SOX5: variants seen among roughly 807,000 people sequenced by gnomAD.
The protein encoded by SOX5 is SRY-box transcription factor 5.
A neutral mutation model predicts 92.0 loss-of-function variants in SOX5; 9 were observed. The observed-to-expected ratio is 0.10, with a 90% CI of 0.06 to 0.17. The LOEUF is 0.17. Among genes scored for constraint, SOX5 ranks in the 10% least tolerant of loss-of-function variants. The pLI is 1.00. For missense variants in SOX5, 642 were observed against 944.5 expected (o/e 0.68, Z 4.20); for synonymous variants, 344 against 336.3 (o/e 1.02, Z -0.25).
chr12:24,171,909 G>C (rs1298141577), intron 4 of SOX5, among the ~76,000 whole-genome samples: 5 of 152,106 alleles, frequency 3.3e-5, no homozygotes, highest in African/African-American at 1.2e-4. Context: ...CACAGAGAAA[G>C]TGGCATTTAA....
intron 4 of SOX5, among the ~76,000 whole-genome samples, chr12:24,119,525 T>C (rs981619304): frequency 6.6e-6 from 1 of 152,172 alleles, no homozygotes; most frequent in Non-Finnish European, 1.5e-5. Flanking sequence ...CCATAATTTA[T>C]GGAGTACCTC....
At chr12:23,670,733 G>A (rs1305835219) in intron 6 of SOX5, among the ~76,000 whole-genome samples, 1 of 151,942 alleles carries the variant, frequency 6.6e-6, no homozygotes, top group African/African-American at 2.4e-5. Flanking sequence ...AGAGAGATTG[G>A]AATTGAGGAA....
intron 2 of SOX5, among the ~76,000 whole-genome samples, chr12:24,310,353 G>T (rs2059997760): frequency 6.6e-6 from 1 of 152,064 alleles, no homozygotes; most frequent in Admixed American, 6.6e-5. Flanking sequence ...TTCTGGGTTT[G>T]CTCCTAAACC....
rs145689557 is a variant in SOX5, at chr12:24,228,813, C to T, written c.-76-15396G>A. Among the ~76,000 whole-genome samples, 320 of 152,246 alleles carry T rather than the reference C, an allele frequency of 2.1e-3. 10 individuals are homozygous for T. In the East Asian group the frequency reaches 0.055, roughly 26 times the overall value. ...TTCTGCCCAGCTTCCAGTGTGTGTG[C>T]GGCACTGGCTGCTGGCCTGCTGCAG... is the stretch of plus-strand genomic sequence containing the variant. On this transcript the variant is annotated intron_variant, in intron 3 of 4. Transcript: ENST00000446891.
intron 3 of SOX5, among the ~76,000 whole-genome samples, chr12:23,835,519 T>G (rs1365657470): frequency 2.0e-5 from 3 of 151,810 alleles, no homozygotes; most frequent in Non-Finnish European, 4.4e-5. Context: ...AATGAGTTTT[T>G]TCTTAAGGTA....
intron 3 of SOX5, among the ~76,000 whole-genome samples, chr12:24,265,223 G>A (rs893072574): frequency 6.6e-6 from 1 of 152,160 alleles, no homozygotes; most frequent in Non-Finnish European, 1.5e-5. Flanking sequence ...AGTTGAAATA[G>A]TAATCTATGT....
rs532895230 is a variant in SOX5, at chr12:23,603,447, T to TATATATATATATATATATATAAA, written c.1164+939_1164+940insTTTATATATATATATATATATAT. The stretch of plus-strand genomic sequence containing the variant: ...CAGCAAAATAAATATATATATAAAA[T>TATATATATATATATATATATAAA]ATATATATATATATATATATTTTGC... On this transcript the variant is annotated intron_variant, in intron 9 of 14. Transcript: ENST00000451604. Among the ~76,000 whole-genome samples the TATATATATATATATATATATAAA allele has an allele frequency of 6.7e-3, 476 of 70,602 alleles. 17 individuals carry two copies. The highest frequency in any genetic ancestry group is 0.018 in the Middle Eastern group (3 of 166). 46.3% of individuals were successfully genotyped at this position (70,602 alleles called of 152,430 possible).
chr12:24,352,981 TG>T (rs1954283158), intron 2 of SOX5, among the ~76,000 whole-genome samples: 1 of 152,322 alleles, frequency 6.6e-6, no homozygotes, highest in East Asian at 1.9e-4. Flanking sequence ...ATGGGGCTCA[TG>T]AATTTCTCAC....
chr12:24,308,566 C>G (rs1207146030), intron 2 of SOX5, among the ~76,000 whole-genome samples: 2 of 152,210 alleles, frequency 1.3e-5, no homozygotes, highest in Admixed American at 1.3e-4. Flanking sequence ...CACTAAGATA[C>G]TTTGTGGTAC....
intron 4 of SOX5, among the ~76,000 whole-genome samples, chr12:24,183,293 A>C (rs992947537): frequency 3.3e-5 from 5 of 152,182 alleles, no homozygotes; most frequent in Non-Finnish European, 2.9e-5. Flanking sequence ...CAAACCTCTG[A>C]TGTTGCCACA....
At chr12:23,660,344 AATGGATC>A (rs113395323) in intron 7 of SOX5, among the ~76,000 whole-genome samples, 50,617 of 151,586 alleles carry the variant, frequency 0.33, 8,488 homozygotes, top group Admixed American at 0.35. Context: ...AATTCCGTAA[AATGGATC>A]ATGGATCTTA....
At chr12:24,549,626 T>C (rs890956573) in intron 1 of SOX5, among the ~76,000 whole-genome samples, 1 of 152,198 alleles carries the variant, frequency 6.6e-6, no homozygotes, top group African/African-American at 2.4e-5. Context: ...GCTGATGTGT[T>C]GCAGATAGTT....
In SOX5 at chr12:23,695,195, A is replaced by G. The variant is rs148350708; in HGVS notation, c.811-29631T>C. On this transcript the variant is annotated intron_variant, in intron 6 of 14. Transcript: ENST00000451604. The stretch of plus-strand genomic sequence containing the variant: ...ACTCTGTTCTGTTCCACTGATCTGT[A>G]CATTTGTCATTATGCCAAAACCACA... Among the ~76,000 whole-genome samples, 523 of 152,208 alleles carry G rather than the reference A, an allele frequency of 3.4e-3. 3 individuals are homozygous for G. The highest frequency in any genetic ancestry group is 0.012 in the African/African-American group (499 of 41,532).
chr12:23,968,553 T>C (rs1400693867), intron 4 of SOX5, among the ~76,000 whole-genome samples: 1 of 152,172 alleles, frequency 6.6e-6, no homozygotes, highest in African/African-American at 2.4e-5. Flanking sequence ...CCCCACCCCA[T>C]TCTTCCATCT....
chr12:24,527,736 C>T (rs1950840041), intron 1 of SOX5, among the ~76,000 whole-genome samples: 1 of 152,188 alleles, frequency 6.6e-6, no homozygotes, highest in African/African-American at 2.4e-5. Flanking sequence ...CTTCTATGTC[C>T]AACTCTTCAC....
intron 2 of SOX5, among the ~76,000 whole-genome samples, chr12:23,874,303 T>C (rs1488749660): frequency 1.3e-5 from 2 of 152,188 alleles, no homozygotes; most frequent in African/African-American, 2.4e-5. Context: ...ACTATAGCTA[T>C]TCAAAGAGGA....
chr12:24,402,028 C>G (rs1482754389), intron 1 of SOX5, among the ~76,000 whole-genome samples: 1 of 152,108 alleles, frequency 6.6e-6, no homozygotes, highest in African/African-American at 2.4e-5. Context: ...TTAACTACCC[C>G]CTGAAAATAG....
chr12:23,564,266 A>C (rs1467391371), intron 10 of SOX5, among the ~76,000 whole-genome samples: 1 of 152,228 alleles, frequency 6.6e-6, no homozygotes, highest in African/African-American at 2.4e-5. Context: ...TATTTGATGC[A>C]TATTAGTACG....
chr12:24,247,917 G>A (rs997526647), intron 3 of SOX5, among the ~76,000 whole-genome samples: 1 of 152,022 alleles, frequency 6.6e-6, no homozygotes, highest in Non-Finnish European at 1.5e-5. Context: ...GCCTCCCAAA[G>A]TGCTGGGATT....
Sources: gnomAD v4.1 joint callset for allele counts (sites outside exome capture counted in the v4.1 genomes callset) on GRCh38, gnomAD v4.1.1 for gene constraint, MANE v1.5 for transcripts, NCBI Gene and HGNC (gene_info 2026-07-23, HGNC 2026-07-21) for gene names.